Variants in NTM observed in about 807,000 individuals in gnomAD.
NTM encodes the protein IgLON family member 2.
Under a neutral mutation model 42.1 loss-of-function variants are expected in NTM, and 13 were observed. That is an observed-to-expected ratio of 0.31 (90% CI 0.20 to 0.49). The LOEUF (loss-of-function observed/expected upper bound fraction) is 0.49, where lower values mean the gene tolerates loss of function less well. Ranked by LOEUF, NTM falls within the 20% of genes least tolerant of loss-of-function variation. The probability of loss-of-function intolerance (pLI) is 0.99; values close to 1 mark genes in which losing one functional copy is unlikely to be tolerated. For synonymous variants in NTM, 187 were observed against 179.2 expected (o/e 1.04, Z -0.35); for missense variants, 373 against 452.8 (o/e 0.82, Z 1.60).
chr11:131,787,474 C>T (rs1168508874), intron 1 of NTM, among the ~76,000 whole-genome samples: 2 of 151,658 alleles, frequency 1.3e-5, no homozygotes, highest in Non-Finnish European at 2.9e-5. Flanking sequence ...CCTCCTCCTC[C>T]TCCTGGGTTC....
chr11:131,798,759 G>A (rs910394821), intron 1 of NTM, among the ~76,000 whole-genome samples: 2 of 152,108 alleles, frequency 1.3e-5, no homozygotes, highest in African/African-American at 4.8e-5. Context: ...TATCGTTCTG[G>A]GTCATTTAAG....
chr11:132,299,033 C>A (rs532871380), intron 4 of NTM, among the ~76,000 whole-genome samples: 20 of 152,306 alleles, frequency 1.3e-4, no homozygotes, highest in African/African-American at 4.8e-4. Flanking sequence ...CGGTGGCTCA[C>A]GCCTGTAATC....
At chr11:131,529,341 C>T (rs146316332) in intron 1 of NTM, among the ~76,000 whole-genome samples, 3 of 152,130 alleles carry the variant, frequency 2.0e-5, no homozygotes, top group Non-Finnish European at 4.4e-5. Context: ...TGAGTGGAAC[C>T]CTTAGGTTGT....
intron 1 of NTM, among the ~76,000 whole-genome samples, chr11:131,867,334 C>T (rs376922719): frequency 2.2e-4 from 34 of 152,014 alleles, no homozygotes; most frequent in Middle Eastern, 3.4e-3. Context: ...TGTGTGCGTG[C>T]GGATGGAGAG....
intron 1 of NTM, chr11:131,910,979 T>C: frequency 1.0e-6 from 1 of 997,308 alleles, no homozygotes; most frequent in Admixed American, 5.4e-5. Context: ...TCCGATTGTT[T>C]TCCGGTGGCG....
At chr11:132,048,409 T>A (rs1371423979) in intron 2 of NTM, among the ~76,000 whole-genome samples, 1 of 152,180 alleles carries the variant, frequency 6.6e-6, no homozygotes, top group Non-Finnish European at 1.5e-5. Context: ...AGTCATTCTT[T>A]AGCACCAAGA....
chr11:131,979,650 G>A (rs571173009), intron 2 of NTM, among the ~76,000 whole-genome samples: 9 of 152,166 alleles, frequency 5.9e-5, no homozygotes, highest in Non-Finnish European at 1.3e-4. Context: ...GTTTGAAGCT[G>A]TTTGAGAGCC....
chr11:131,723,636 A>G (rs1276274119), intron 1 of NTM, among the ~76,000 whole-genome samples: 1 of 152,190 alleles, frequency 6.6e-6, no homozygotes, highest in African/African-American at 2.4e-5. Context: ...ATGTCAGTGA[A>G]GCAGATAAAC....
chr11:131,609,920 T>G (rs2061334977), intron 1 of NTM, among the ~76,000 whole-genome samples: 2 of 152,212 alleles, frequency 1.3e-5, no homozygotes, highest in African/African-American at 4.8e-5. Flanking sequence ...TTTCTTTTGC[T>G]TCTACCCCTT....
At chr11:131,565,318 G>A (rs80294074) in intron 1 of NTM, among the ~76,000 whole-genome samples, 8 of 152,306 alleles carry the variant, frequency 5.3e-5, no homozygotes, top group African/African-American at 1.7e-4. Flanking sequence ...CTCTCTGCCT[G>A]GCATGGCATG....
chr11:131,894,541 T>C (rs1299991899), intron 1 of NTM, among the ~76,000 whole-genome samples: 5 of 152,182 alleles, frequency 3.3e-5, no homozygotes, highest in African/African-American at 9.7e-5. Flanking sequence ...GCAAAGGGCC[T>C]AATGAGAAAT....
At chr11:131,795,652 G>A (rs969438714) in intron 1 of NTM, 2 of 985,314 alleles carry the variant, frequency 2.0e-6, no homozygotes, top group African/African-American at 3.5e-5. Flanking sequence ...GGCCAGTACA[G>A]TGCCAGTGCC....
At chr11:131,554,838 G>T (rs944628311) in intron 1 of NTM, among the ~76,000 whole-genome samples, 4 of 152,128 alleles carry the variant, frequency 2.6e-5, no homozygotes, top group African/African-American at 9.7e-5. Flanking sequence ...GCCTTCTGAA[G>T]ACATCATCTC....
intron 2 of NTM, among the ~76,000 whole-genome samples, chr11:132,062,129 T>G (rs2080778073): frequency 6.6e-6 from 1 of 152,168 alleles, no homozygotes; most frequent in African/African-American, 2.4e-5. Flanking sequence ...CCATCTGGTT[T>G]TGCCTCACTT....
intron 4 of NTM, among the ~76,000 whole-genome samples, chr11:132,286,787 C>A (rs1271924778): frequency 6.6e-6 from 1 of 152,190 alleles, no homozygotes; most frequent in Non-Finnish European, 1.5e-5. Flanking sequence ...ACCACCATGA[C>A]AATGGTGTAT....
intron 2 of NTM, among the ~76,000 whole-genome samples, chr11:131,957,860 G>A (rs1593179680): frequency 6.6e-6 from 1 of 152,186 alleles, no homozygotes; most frequent in East Asian, 1.9e-4. Context: ...GGATGAATAG[G>A]TGGTTGTGTG....
intron 1 of NTM, among the ~76,000 whole-genome samples, chr11:131,480,624 A>G (rs1007175854): frequency 6.6e-6 from 1 of 152,206 alleles, no homozygotes; most frequent in African/African-American, 2.4e-5. Context: ...GATAAAAGGG[A>G]TTCCTATAGA....
chr11:132,072,885 A>G (rs2057884797), intron 2 of NTM, among the ~76,000 whole-genome samples: 1 of 152,102 alleles, frequency 6.6e-6, no homozygotes, highest in Non-Finnish European at 1.5e-5. Context: ...GCTGAGAGGA[A>G]TAGGGGTTTT....
In NTM at chr11:132,311,736, T is replaced by C. The variant is rs149100904; in HGVS notation, c.782+1504T>C. Among the ~76,000 whole-genome samples, 31 of 152,204 alleles carry C rather than the reference T, an allele frequency of 2.0e-4. 1 individual carries two copies. The East Asian group carries it at 5.8e-3, about 28-fold the overall frequency. ...AAAGTCATCAGCTGCGTCCTATTAT[T>C]CCAATTCTTTATTGGAGAAAAATAG... On this transcript the variant is annotated intron_variant, in intron 6 of 8. Transcript: ENST00000683400.
Sources: gnomAD v4.1 joint callset for allele counts (sites outside exome capture counted in the v4.1 genomes callset) on GRCh38, gnomAD v4.1.1 for gene constraint, MANE v1.5 for transcripts, NCBI Gene and HGNC (gene_info 2026-07-23, HGNC 2026-07-21) for gene names.